Variants in NEXMIF observed in about 807,000 individuals in gnomAD.
The protein encoded by NEXMIF is XLMR protein related to neurite extension.
NEXMIF carries 8 observed loss-of-function variants against 62.1 expected under a neutral mutation model. The observed-to-expected ratio is 0.13, with a 90% CI of 0.08 to 0.23. NEXMIF has a LOEUF of 0.23. Ranked by LOEUF, NEXMIF falls within the 10% of genes least tolerant of loss-of-function variation. The pLI, the probability that NEXMIF is intolerant of heterozygous loss-of-function variation, is 1.00. For missense variants in NEXMIF, 976 were observed against 1,113.3 expected, an observed-to-expected ratio of 0.88 and a Z score of 1.75; for synonymous variants, 404 against 416.6, an observed-to-expected ratio of 0.97 and a Z score of 0.37.
At chrX:74,865,827 C>G (rs1015035323) in intron 1 of NEXMIF, among the ~76,000 whole-genome samples, 2 of 111,890 alleles carry the variant, frequency 1.8e-5, no homozygotes, top group Non-Finnish European at 3.8e-5. Context: ...TGTGGGTACA[C>G]AGAAGTTCAA....
intron 1 of NEXMIF, among the ~76,000 whole-genome samples, chrX:74,878,811 G>A (rs893289904): frequency 1.1e-4 from 12 of 112,279 alleles, no homozygotes; most frequent in Non-Finnish European, 1.7e-4. Flanking sequence ...GACCCCTTGC[G>A]CTTCCCGTGT....
At chrX:74,873,422 G>C (rs1430795651) in intron 1 of NEXMIF, among the ~76,000 whole-genome samples, 1 of 111,847 alleles carries the variant, frequency 8.9e-6, no homozygotes, top group African/African-American at 3.3e-5. Flanking sequence ...CCAAGTCTTT[G>C]CTATTGTGAA....
In NEXMIF at chrX:74,782,887, T is replaced by A. The variant is rs896327564; in HGVS notation, c.-47-37190A>T. Among the ~76,000 whole-genome samples, 9 of 111,779 alleles carry A rather than the reference T, an allele frequency of 8.1e-5. No homozygotes were observed. In the South Asian group the frequency reaches 1.9e-3, roughly 23 times the overall value. The stretch of plus-strand genomic sequence containing the variant: ...TAGCAGTACAGGACTAGAAGAAGAT[T>A]CAAGTTCTAGGCCTTCCAGTAATTA... On this transcript the variant is annotated intron_variant, in intron 1 of 3. Coordinates refer to ENST00000055682, the MANE Select transcript of NEXMIF (RefSeq NM_001008537.3).
At chrX:74,794,109 A>G (rs2080296572) in intron 1 of NEXMIF, among the ~76,000 whole-genome samples, 1 of 103,869 alleles carries the variant, frequency 9.6e-6, no homozygotes, top group East Asian at 3.1e-4. Context: ...TTGTGGTTTT[A>G]TCTACTTTTG....
rs2080085415 is a variant in NEXMIF, at chrX:74,736,506, A to G, written c.*2899T>C. The G allele has an allele frequency of 9.0e-6, 1 of 111,396 alleles. No individual in the cohort carries two copies. The highest frequency in any genetic ancestry group is 3.3e-5 in the African/African-American group (1 of 30,523). 9.2% of individuals were successfully genotyped at this position (111,396 alleles called of 1,213,427 possible). On this transcript the variant is annotated 3_prime_UTR_variant, in exon 4 of 4. Coordinates refer to ENST00000055682, the MANE Select transcript of NEXMIF (RefSeq NM_001008537.3). ...TAATCAGGAATTTCAGACCAAGGAT[A>G]ATATATATTTCTGACTTGAGATACC... is the stretch of plus-strand genomic sequence containing the variant.
intron 1 of NEXMIF, among the ~76,000 whole-genome samples, chrX:74,791,991 C>T (rs1390983570): frequency 1.8e-5 from 2 of 110,186 alleles, no homozygotes; most frequent in African/African-American, 6.6e-5. Context: ...CTGCTCTGAT[C>T]TTAGTTATTT....
At chrX:74,820,931 G>A (rs2080393133) in intron 1 of NEXMIF, among the ~76,000 whole-genome samples, 2 of 110,975 alleles carry the variant, frequency 1.8e-5, no homozygotes. Context: ...CACTGCCTGG[G>A]TGAACATGAA....
chrX:74,847,605 T>A (rs894076892), intron 1 of NEXMIF, among the ~76,000 whole-genome samples: 14 of 111,683 alleles, frequency 1.3e-4, no homozygotes, highest in African/African-American at 4.6e-4. Context: ...AGGGACAGCA[T>A]GAATTTTCAT....
At chrX:74,922,337 GGTGTGTGTGTGTGT>G (rs3040908) in intron 1 of NEXMIF, among the ~76,000 whole-genome samples, 19 of 100,590 alleles carry the variant, frequency 1.9e-4, no homozygotes, top group African/African-American at 5.7e-4. Flanking sequence ...GGGTGTTATG[GGTGTGTGTGTGTGT>G]GTGTGTGTGT....
At chrX:74,864,451 G>A (rs1360713104) in intron 1 of NEXMIF, among the ~76,000 whole-genome samples, 1 of 111,927 alleles carries the variant, frequency 8.9e-6, no homozygotes, top group African/African-American at 3.2e-5. Context: ...TCCCCATGTG[G>A]GAGGGACCCA....
At chrX:74,766,041 CAAAAA>C (rs35891512) in intron 1 of NEXMIF, among the ~76,000 whole-genome samples, 1 of 78,856 alleles carries the variant, frequency 1.3e-5, no homozygotes. Flanking sequence ...ACTCTGTCTC[CAAAAA>C]AAAAAAAAAA....
intron 1 of NEXMIF, among the ~76,000 whole-genome samples, chrX:74,914,586 T>A (rs191382253): frequency 1.4e-4 from 16 of 111,475 alleles, no homozygotes; most frequent in Non-Finnish European, 2.6e-4. Flanking sequence ...GAGGCTGAGG[T>A]AGGAGAACTA....
Position 74,847,810 on chromosome X carries a change from GTAA to G in NEXMIF, c.-48+77070_-48+77072del, listed in dbSNP as rs773036204. 5.6e-4 allele frequency among the ~76,000 whole-genome samples: 62 copies of G among 110,808 alleles called. No individual in the cohort carries two copies. In the East Asian group the frequency reaches 0.016, roughly 29 times the overall value. On this transcript the variant is annotated intron_variant, in intron 1 of 3. Transcript: ENST00000055682. ...CAAGGCTGTGAGTTAATTAATGATA[GTAA>G]TAATAATAATATTAAATTAAATTTT...
Position 74,864,711 on chromosome X carries a change from CT to C in NEXMIF, c.-48+60171del, listed in dbSNP as rs780117195. The stretch of plus-strand genomic sequence containing the variant: ...ATAAATTACCCAGTCTCAGGTATTT[CT>C]TTTTTTTTTTTCTGAGATGGAGTTT... On this transcript the variant is annotated intron_variant, in intron 1 of 3. Transcript: ENST00000055682. Among the ~76,000 whole-genome samples the C allele has an allele frequency of 3.5e-3, 365 of 104,970 alleles. 2 individuals are homozygous for C. Among genetic ancestry groups the C allele is most frequent in the African/African-American group, 0.011 (328 of 29,214 alleles). 91.2% of individuals were successfully genotyped at this position (104,970 alleles called of 115,157 possible).
rs367710192 is a variant in NEXMIF, at chrX:74,846,815, T to C, written c.-48+78068A>G. Reference sequence around the variant, plus strand: ...TAACTATAATAGGTTTTTCTAACAGTATAACTGATTCAAACAATGTACTAG... The same window carrying C: ...TAACTATAATAGGTTTTTCTAACAGCATAACTGATTCAAACAATGTACTAG... On this transcript the variant is annotated intron_variant, in intron 1 of 3. Transcript: ENST00000055682. Among the ~76,000 whole-genome samples, 19 of 112,135 alleles carry C rather than the reference T, an allele frequency of 1.7e-4. 1 individual carries two copies. The East Asian group carries it at 2.8e-3, about 16-fold the overall frequency.
Position 74,739,441 on chromosome X carries a change from A to G in NEXMIF, c.4515T>C (p.Phe1505=). 1 of 1,199,653 alleles carries G rather than the reference A, an allele frequency of 8.3e-7. No homozygotes were observed. Among genetic ancestry groups the G allele is most frequent in the Non-Finnish European group, 1.1e-6 (1 of 891,100 alleles). Residue 1505 remains phenylalanine, a synonymous_variant, in exon 4 of 4, where the codon TTT becomes TTC. Coordinates refer to ENST00000055682, the MANE Select transcript of NEXMIF (RefSeq NM_001008537.3). ...TCTGGAAAATGCGAGTCTCTTCTTC[A>G]AACACAGGTAAAACCCAAAAGGTTG... ...AETTFWVLPV[F]EEETRIFQKD...
rs191919018 is a variant in NEXMIF, at chrX:74,845,508, C to T, written c.-48+79375G>A. On this transcript the variant is annotated intron_variant, in intron 1 of 3. Transcript: ENST00000055682. ...AGTTCAAGAACTCAAGGTATATTTA[C>T]GGGAGGGTGCAAAGGAGACAGTGAG... Among the ~76,000 whole-genome samples the T allele has an allele frequency of 2.3e-3, 257 of 110,742 alleles. 3 individuals carry two copies. The highest frequency in any genetic ancestry group is 0.017 in the Admixed American group (180 of 10,412).
intron 1 of NEXMIF, among the ~76,000 whole-genome samples, chrX:74,837,551 C>T (rs2080461327): frequency 8.9e-6 from 1 of 112,038 alleles, no homozygotes; most frequent in African/African-American, 3.2e-5. Flanking sequence ...ACAATTCAGC[C>T]CCTCCAACAG....
At chrX:74,754,194 TC>T (rs1456114576) in intron 1 of NEXMIF, among the ~76,000 whole-genome samples, 11 of 111,716 alleles carry the variant, frequency 9.8e-5, no homozygotes. Flanking sequence ...ACTTCTGACC[TC>T]AGATGATCTG....
Sources: allele counts gnomAD v4.1 joint callset (sites outside exome capture counted in the v4.1 genomes callset), GRCh38; gene constraint gnomAD v4.1.1; transcripts MANE v1.5; gene names NCBI Gene and HGNC (gene_info 2026-07-23, HGNC 2026-07-21).